Variants in STAT3 observed in about 807,000 individuals in gnomAD.
The protein encoded by STAT3 is DNA-binding protein APRF.
STAT3 carries 7 observed loss-of-function variants against 114.3 expected under a neutral mutation model. That is an observed-to-expected ratio of 0.06 (90% CI 0.03 to 0.11). STAT3 has a LOEUF of 0.11. STAT3 is among the 10% of genes least tolerant of loss of function. The pLI is 1.00. For missense variants in STAT3, 364 were observed against 960.9 expected (o/e 0.38, Z 8.21); for synonymous variants, 331 against 354.5 (o/e 0.93, Z 0.74).
intron 1 of STAT3, among the ~76,000 whole-genome samples, chr17:42,377,684 T>C (rs1733214726): frequency 6.6e-6 from 1 of 152,164 alleles, no homozygotes; most frequent in African/African-American, 2.4e-5. Context: ...CTCTAAAATA[T>C]TGGTATTACA....
rs748496600 is a variant in STAT3 at position 42,333,683 on chromosome 17, T to C, written c.1039A>G (p.Thr347Ala). The change falls in exon 10 of 24, where the codon ACT (threonine) becomes GCT (alanine). Residue 347 changes from threonine to alanine, a missense_variant. Around this residue, in one of 5 missense-constraint regions of STAT3, gnomAD observed 294 missense variants for 745.1 expected, o/e 0.39. Coordinates refer to ENST00000264657, the MANE Select transcript of STAT3 (RefSeq NM_139276.3). This position sits in a 1 kb window ranked among gnomAD's most constrained non-coding sequence, Gnocchi z 5.2. Reference sequence around the variant, plus strand: ...AGTGGCATGGCCTACCTGACTTTAGTAGTGAACTGGACGCCGGTCTTGATG... The same window carrying C: ...AGTGGCATGGCCTACCTGACTTTAGCAGTGAACTGGACGCCGGTCTTGATG... ...LVIKTGVQFT[T>A]KVRLLVKFPE... 2 of 1,614,092 alleles carry C rather than the reference T, an allele frequency of 1.2e-6. No homozygotes were observed. The highest frequency in any genetic ancestry group is 1.7e-6 in the Non-Finnish European group (2 of 1,179,986).
chr17:42,371,207 G>A (rs2084107927), intron 1 of STAT3, among the ~76,000 whole-genome samples: 1 of 152,088 alleles, frequency 6.6e-6, no homozygotes, highest in Admixed American at 6.6e-5. Context: ...CAAACTTGCA[G>A]AGAGAAAAGT....
intron 11 of STAT3, among the ~76,000 whole-genome samples, chr17:42,330,675 C>G (rs186109406): frequency 6.6e-6 from 1 of 151,890 alleles, no homozygotes; most frequent in South Asian, 2.1e-4. Flanking sequence ...GTGATCCGCC[C>G]GCCTCGGCCT....
chr17:42,375,551 G>A (rs576051229), intron 1 of STAT3, among the ~76,000 whole-genome samples: 12 of 152,142 alleles, frequency 7.9e-5, no homozygotes, highest in African/African-American at 1.9e-4. Flanking sequence ...TAAGCAAACC[G>A]GGTCAGGTGG....
At chr17:42,346,761 C>G (rs1489821967) in intron 2 of STAT3, 48 bp from the exon 3 acceptor site, 2 of 1,613,470 alleles carry the variant, frequency 1.2e-6, no homozygotes, top group Non-Finnish European at 1.7e-6. Flanking sequence ...CCGACGCATA[C>G]ACACAAACAC....
At chr17:42,316,679 G>GA in intron 23 of STAT3, 110 bp downstream of exon 23, 1 of 1,556,804 alleles carries the variant, frequency 6.4e-7, no homozygotes, top group Non-Finnish European at 8.7e-7. Flanking sequence ...CAAAGCTCTA[G>GA]AATCTCCTAC....
At chr17:42,365,160 T>G (rs974109534) in intron 1 of STAT3, among the ~76,000 whole-genome samples, 1 of 152,182 alleles carries the variant, frequency 6.6e-6, no homozygotes, top group East Asian at 1.9e-4. Context: ...CAATAGAGCA[T>G]GCTGAAAGCG....
chr17:42,346,797 A>G (rs570261626), intron 2 of STAT3, 84 bp from the exon 3 acceptor site: 256 of 1,588,796 alleles, frequency 1.6e-4, no homozygotes, highest in Non-Finnish European at 2.1e-4. Context: ...GAAAGAGGAA[A>G]AAAACAAAAA....
Position 42,324,562 on chromosome 17 carries a change from C to A in STAT3, c.1600+149G>T. The A allele has an allele frequency of 8.6e-7, 1 of 1,167,574 alleles. No individual in the cohort carries two copies. Among genetic ancestry groups the A allele is most frequent in the South Asian group, 1.5e-5 (1 of 68,244 alleles). The allele number at this position is 1,167,574 out of a possible 1,614,324, so 72.3% of individuals were successfully genotyped here. A position where few individuals can be genotyped will look rare whatever the true frequency, so the allele number is the denominator to read the frequency against. On this transcript the variant is annotated intron_variant, in intron 17 of 23. Transcript: ENST00000264657. The surrounding 1 kb of genome is among the most constrained non-coding windows in gnomAD (Gnocchi z 4.5). ...CTGTCTCTGCACCCCAACTCCCCAA[C>A]TCCCCTGTTTCCTGGCACCAGCACA... is the stretch of plus-strand genomic sequence containing the variant.
intron 8 of STAT3, among the ~76,000 whole-genome samples, chr17:42,335,668 A>C (rs1430581798): frequency 6.6e-6 from 1 of 152,218 alleles, no homozygotes; most frequent in African/African-American, 2.4e-5. Flanking sequence ...CTGTAATCCC[A>C]AAAATTTGAG....
chr17:42,365,912 C>G (rs191593409), intron 1 of STAT3, among the ~76,000 whole-genome samples: 4 of 152,148 alleles, frequency 2.6e-5, no homozygotes, highest in African/African-American at 9.6e-5. Context: ...CCCCAGCCTC[C>G]CAAAGTGCTG....
In STAT3 at chr17:42,337,335, C is replaced by T. The variant is rs924971135; in HGVS notation, c.797+100G>A. The T allele has an allele frequency of 7.3e-6, 11 of 1,507,862 alleles. No individual in the cohort carries two copies. Among genetic ancestry groups the T allele is most frequent in the Non-Finnish European group, 8.9e-6 (10 of 1,118,546 alleles). 93.4% of individuals were successfully genotyped at this position (1,507,862 alleles called of 1,614,324 possible). A position where few individuals can be genotyped will look rare whatever the true frequency, so the allele number is the denominator to read the frequency against. On this transcript the variant is annotated intron_variant, in intron 8 of 23. Transcript: ENST00000264657. This position sits in a 1 kb window ranked among gnomAD's most constrained non-coding sequence, Gnocchi z 4.0. ...GCTAAATTTGAATATGGAAAAGTCC[C>T]CACGTTGGAGATATAGTACCAATTC...
chr17:42,339,140 C>T (rs537059879), intron 5 of STAT3, among the ~76,000 whole-genome samples, 174 bp downstream of exon 5: 8 of 151,256 alleles, frequency 5.3e-5, no homozygotes, highest in Admixed American at 2.6e-4. Context: ...CCTGTGGTCC[C>T]GGCTACTTGG....
At chr17:42,345,363 T>A in intron 4 of STAT3, 196 bp downstream of exon 4, 1 of 573,778 alleles carries the variant, frequency 1.7e-6, no homozygotes, top group East Asian at 3.0e-5. Flanking sequence ...AACTTTCTTT[T>A]TTTTAGAGTT....
chr17:42,379,254 C>A (rs747547005), intron 1 of STAT3, among the ~76,000 whole-genome samples: 1 of 152,140 alleles, frequency 6.6e-6, no homozygotes, highest in East Asian at 1.9e-4. Context: ...GCCCCGCATA[C>A]GGCCAGGAAA....
chr17:42,333,614 T>A lies in STAT3; in HGVS notation c.1049+59A>T. 1 of 1,592,034 alleles carries A rather than the reference T, an allele frequency of 6.3e-7. No homozygotes were observed. Among genetic ancestry groups the A allele is most frequent in the Non-Finnish European group, 8.6e-7 (1 of 1,161,066 alleles). On this transcript the variant is annotated intron_variant, in intron 10 of 23. Transcript: ENST00000264657. The surrounding 1 kb of genome is among the most constrained non-coding windows in gnomAD (Gnocchi z 5.2). ...ATGACCCTGGCCACCAACTCTACCC[T>A]CACCCTAACAGTGTCCCTCAGTAAA...
Position 42,346,651 on chromosome 17 carries a change from A to G in STAT3, c.191T>C (p.Ile64Thr). The G allele has an allele frequency of 6.2e-7, 1 of 1,614,140 alleles. No homozygotes were observed. ...CAGGAAGCGGCTATACTGCTGGTCA[A>G]TCTCTCCCAGGAGATTATGAAACAC... ...TLVFHNLLGEIDQQYSRFLQE... is the reference protein window; with the variant it reads ...TLVFHNLLGETDQQYSRFLQE... The change falls in exon 3 of 24, where the codon ATT (isoleucine) becomes ACT (threonine). Residue 64 changes from isoleucine (I) to threonine (T), a missense_variant. Physicochemically the swap from Ile to Thr is moderately conservative, Grantham distance 89. Transcript: ENST00000264657.
chr17:42,320,714 G>C, intron 21 of STAT3, among the ~76,000 whole-genome samples: 1 of 125,988 alleles, frequency 7.9e-6, no homozygotes, highest in African/African-American at 3.1e-5. Context: ...GGGTGATAGA[G>C]CAAGACTTAG....
chr17:42,367,231 C>T (rs2083852020), intron 1 of STAT3, among the ~76,000 whole-genome samples: 1 of 151,646 alleles, frequency 6.6e-6, no homozygotes, highest in Non-Finnish European at 1.5e-5. Context: ...CCTAGCTACT[C>T]GGGAGGCTGA....
Sources: allele counts gnomAD v4.1 joint callset (sites outside exome capture counted in the v4.1 genomes callset), GRCh38; gene constraint gnomAD v4.1.1; regional missense constraint gnomAD v4.1.1; non-coding constraint Gnocchi (gnomAD v3.1); transcripts MANE v1.5; gene names NCBI Gene and HGNC (gene_info 2026-07-23, HGNC 2026-07-21).